Variants in STK17A observed in about 807,000 individuals in gnomAD.
The protein encoded by STK17A is serine/threonine-protein kinase 17A.
STK17A carries 26 observed loss-of-function variants against 43.7 expected under a neutral mutation model. The ratio of observed to expected loss-of-function variants is 0.60; its 90% confidence interval spans 0.44 to 0.83. The LOEUF is 0.83. Among genes scored for constraint, STK17A ranks in the 40% least tolerant of loss-of-function variants. The probability of loss-of-function intolerance (pLI) is 0.00; values close to 1 mark genes in which losing one functional copy is unlikely to be tolerated. For missense variants in STK17A, 476 were observed against 511.6 expected (o/e 0.93, Z 0.67); for synonymous variants, 191 against 182.5 (o/e 1.05, Z -0.38).
chr7:43,610,702 C>A (rs2082787670), intron 3 of STK17A, among the ~76,000 whole-genome samples: 1 of 151,948 alleles, frequency 6.6e-6, no homozygotes, highest in African/African-American at 2.4e-5. Flanking sequence ...TTCCGTAATA[C>A]CTTTGTTTAT....
intron 2 of STK17A, among the ~76,000 whole-genome samples, chr7:43,598,696 A>G (rs1175518185): frequency 6.6e-6 from 1 of 152,108 alleles, no homozygotes; most frequent in African/African-American, 2.4e-5. Context: ...TCACAAATGC[A>G]GATGTACAAA....
chr7:43,601,664 A>G (rs1311004119), intron 2 of STK17A, among the ~76,000 whole-genome samples: 3 of 151,940 alleles, frequency 2.0e-5, no homozygotes, highest in Non-Finnish European at 4.4e-5. Flanking sequence ...AGTTAATTCA[A>G]TTCCTCTCTT....
intron 3 of STK17A, 28 bp downstream of exon 3, chr7:43,608,428 T>A (rs756301862): frequency 1.3e-6 from 2 of 1,587,610 alleles, no homozygotes; most frequent in African/African-American, 1.4e-5. Context: ...ATTTTGAGAT[T>A]GCTAAAGAAT....
In STK17A at chr7:43,623,881, A is replaced by C; in HGVS notation, c.913A>C (p.Lys305Gln). Reference sequence around the variant, plus strand: ...TTTCATCAGGACACTTTTAGTTAAGAAACCTGAGTAAGTATTATTTTTATT... The same window carrying C: ...TTTCATCAGGACACTTTTAGTTAAGCAACCTGAGTAAGTATTATTTTTATT... ...VDFIRTLLVK[K>Q]PEDRATAEEC... The change falls in exon 6 of 7, where the codon AAA becomes CAA. Residue 305 changes from lysine to glutamine, a missense_variant. By Grantham distance (53) the Lys-to-Gln change is moderately conservative (BLOSUM62 1). Around this residue, in one of 3 missense-constraint regions of STK17A, gnomAD observed 46 missense variants for 81.6 expected, o/e 0.56. Transcript: ENST00000319357. 6.5e-7 allele frequency: 1 copy of C among 1,530,694 alleles called. No homozygotes were observed. The highest frequency in any genetic ancestry group is 2.3e-5 in the East Asian group (1 of 42,674). 94.8% of individuals were successfully genotyped at this position (1,530,694 alleles called of 1,614,324 possible).
At chr7:43,591,146 G>C (rs1171979601) in intron 1 of STK17A, among the ~76,000 whole-genome samples, 1 of 151,532 alleles carries the variant, frequency 6.6e-6, no homozygotes, top group African/African-American at 2.4e-5. Context: ...TCAGTGGTAT[G>C]TGGTATTAGA....
intron 3 of STK17A, among the ~76,000 whole-genome samples, chr7:43,618,376 G>C (rs1247723704): frequency 6.6e-6 from 1 of 152,178 alleles, no homozygotes; most frequent in Non-Finnish European, 1.5e-5. Flanking sequence ...GTGTGTAAAG[G>C]CATGAGATGT....
At chr7:43,612,154 T>G (rs1287833042) in intron 3 of STK17A, among the ~76,000 whole-genome samples, 1 of 152,200 alleles carries the variant, frequency 6.6e-6, no homozygotes, top group Non-Finnish European at 1.5e-5. Context: ...TGACAGGCCT[T>G]TGATGTTGGA....
At chr7:43,594,893 A>T (rs367668495) in intron 1 of STK17A, among the ~76,000 whole-genome samples, 3 of 147,502 alleles carry the variant, frequency 2.0e-5, no homozygotes, top group Non-Finnish European at 4.5e-5. Context: ...AAAAAAAAGA[A>T]AGAAAGAAAA....
At chr7:43,592,884 G>T (rs1020876162) in intron 1 of STK17A, among the ~76,000 whole-genome samples, 1 of 151,956 alleles carries the variant, frequency 6.6e-6, no homozygotes, top group Admixed American at 6.6e-5. Flanking sequence ...CAACAAAAAA[G>T]AATTTAACAG....
rs185907687 is a variant in STK17A at position 43,590,629 on chromosome 7, A to G, written c.207-5272A>G. On this transcript the variant is annotated intron_variant, in intron 1 of 6. Transcript: ENST00000319357. ...AAATGAAAAAATATACCTGAAAATT[A>G]TGGCAACTGTTTATTCCAGGAAGAA... Among the ~76,000 whole-genome samples, 401 of 151,724 alleles carry G rather than the reference A, an allele frequency of 2.6e-3. 9 individuals are homozygous for G. Among genetic ancestry groups the G allele is most frequent in the Admixed American group, 0.024 (372 of 15,248 alleles).
chr7:43,608,403 A>C lies in STK17A; in HGVS notation c.564+3A>C. 1 of 1,596,094 alleles carries C rather than the reference A, an allele frequency of 6.3e-7. No homozygotes were observed. Among genetic ancestry groups the C allele is most frequent in the Non-Finnish European group, 8.5e-7 (1 of 1,173,688 alleles). On this transcript the variant is annotated splice_donor_region_variant and intron_variant, in intron 3 of 6. Coordinates refer to ENST00000319357, the MANE Select transcript of STK17A (RefSeq NM_004760.3). Reference sequence around the variant, plus strand: ...ATGTAGTTCATCTTGATTTGAAGGTAAGATTCAAATTACAATTTTGAGATT... The same window carrying C: ...ATGTAGTTCATCTTGATTTGAAGGTCAGATTCAAATTACAATTTTGAGATT...
chr7:43,583,372 G>A lies in STK17A; in HGVS notation c.129G>A (p.Leu43=). The A allele has an allele frequency of 6.9e-7, 1 of 1,448,888 alleles. No individual in the cohort carries two copies. Among genetic ancestry groups the A allele is most frequent in the Non-Finnish European group, 9.1e-7 (1 of 1,098,498 alleles). The allele number at this position is 1,448,888 out of a possible 1,614,324, so 89.8% of individuals were successfully genotyped here. A position where few individuals can be genotyped will look rare whatever the true frequency, so the allele number is the denominator to read the frequency against. Residue 43 remains leucine, a synonymous_variant, in exon 1 of 7, where the codon CTG becomes CTA. Transcript: ENST00000319357. The stretch of plus-strand genomic sequence containing the variant: ...CGCCGCCCCAGGCCCGCGGGCTGCT[G>A]ACAGAGATACGCGCCGTGGTGCGCA... ...PPPPPQARGL[L]TEIRAVVRTE...
intron 4 of STK17A, 102 bp downstream of exon 4, chr7:43,619,825 T>C: frequency 2.1e-6 from 3 of 1,410,386 alleles, no homozygotes; most frequent in South Asian, 1.4e-5. Flanking sequence ...CTATCTACTA[T>C]GTTGAAATTC....
At chr7:43,587,421 A>C (rs2152970355) in intron 1 of STK17A, among the ~76,000 whole-genome samples, 1 of 151,568 alleles carries the variant, frequency 6.6e-6, no homozygotes, top group South Asian at 2.1e-4. Flanking sequence ...TTAAGTTCCC[A>C]CTGGGGCCTT....
Position 43,624,979 on chromosome 7 carries a change from T to G in STK17A, c.*137T>G. On this transcript the variant is annotated 3_prime_UTR_variant, in exon 7 of 7. Transcript: ENST00000319357. ...CACAAACAAAAATAACTTTGTCAAA[T>G]TTGTGGAGTTAGGTGGAAGCCAGAT... 1 of 832,170 alleles carries G rather than the reference T, an allele frequency of 1.2e-6. No individual in the cohort carries two copies. The highest frequency in any genetic ancestry group is 1.7e-6 in the Non-Finnish European group (1 of 573,726). The allele number at this position is 832,170 out of a possible 1,614,324, so 51.5% of individuals were successfully genotyped here.
chr7:43,615,292 C>T (rs970335397), intron 3 of STK17A, among the ~76,000 whole-genome samples: 2 of 152,146 alleles, frequency 1.3e-5, no homozygotes, highest in Non-Finnish European at 1.5e-5. Context: ...CCTCCCACCT[C>T]GGCCTCCCAA....
chr7:43,617,421 G>A (rs2083454195), intron 3 of STK17A, among the ~76,000 whole-genome samples: 1 of 152,234 alleles, frequency 6.6e-6, no homozygotes, highest in Non-Finnish European at 1.5e-5. Context: ...AATAGGCAAA[G>A]TCTAGAAATG....
Position 43,597,018 on chromosome 7 carries a change from A to T in STK17A, c.419+905A>T, listed in dbSNP as rs552716266. 3.9e-3 allele frequency among the ~76,000 whole-genome samples: 593 copies of T among 152,272 alleles called. 2 individuals are homozygous for T. The highest frequency in any genetic ancestry group is 7.2e-3 in the Admixed American group (110 of 15,296). On this transcript the variant is annotated intron_variant, in intron 2 of 6. Coordinates refer to ENST00000319357, the MANE Select transcript of STK17A (RefSeq NM_004760.3). ...GTCTCTTTTAAAAAATAATTAATTT[A>T]AAAAAACAAAAAAGACTTAATACAT...
At chr7:43,608,431 T>C (rs766425681) in intron 3 of STK17A, 31 bp downstream of exon 3, 1 of 1,588,162 alleles carries the variant, frequency 6.3e-7, no homozygotes, top group South Asian at 1.2e-5. Flanking sequence ...TTGAGATTGC[T>C]AAAGAATGAC....
Sources: gnomAD v4.1 joint callset for allele counts (sites outside exome capture counted in the v4.1 genomes callset) on GRCh38, gnomAD v4.1.1 for gene constraint, gnomAD v4.1.1 regional missense constraint, MANE v1.5 for transcripts, NCBI Gene and HGNC (gene_info 2026-07-23, HGNC 2026-07-21) for gene names.